CPB2: variants seen among roughly 807,000 people sequenced by gnomAD.
CPB2 encodes carboxypeptidase B-like protein.
CPB2 carries 54 observed loss-of-function variants against 57.0 expected under a neutral mutation model. That is an observed-to-expected ratio of 0.95 (90% confidence interval 0.76 to 1.19). The LOEUF is 1.19. Ranked by LOEUF, CPB2 falls within the 50% of genes most tolerant of loss-of-function variation. The probability of loss-of-function intolerance (pLI) is 0.00; values close to 1 mark genes in which losing one functional copy is unlikely to be tolerated. For missense variants in CPB2, 426 were observed against 512.0 expected (o/e 0.83, Z 1.62); for synonymous variants, 189 against 178.1 (o/e 1.06, Z -0.49).
chr13:46,054,206 T>C (rs192391221), intron 10 of CPB2, among the ~76,000 whole-genome samples: 213 of 152,366 alleles, frequency 1.4e-3, no homozygotes, highest in African/African-American at 5.0e-3. Context: ...TGTTTTTTGA[T>C]TATCAGTGAG....
intron 1 of CPB2, among the ~76,000 whole-genome samples, chr13:46,090,099 A>G (rs1234759011): frequency 1.3e-5 from 2 of 151,972 alleles, no homozygotes; most frequent in Admixed American, 1.3e-4. Context: ...TGGTAGCTTC[A>G]TATTACATCC....
intron 5 of CPB2, among the ~76,000 whole-genome samples, chr13:46,076,046 C>T (rs1191629386): frequency 5.3e-5 from 8 of 152,206 alleles, no homozygotes; most frequent in Admixed American, 4.6e-4. Context: ...AAGAACCCTA[C>T]TGCAAAGGAC....
rs773942626 is a variant in CPB2 at position 46,053,449 on chromosome 13, C to G, written c.*165G>C. On this transcript the variant is annotated 3_prime_UTR_variant, in exon 11 of 11. Coordinates refer to ENST00000181383, the MANE Select transcript of CPB2 (RefSeq NM_001872.5). The stretch of plus-strand genomic sequence containing the variant: ...TAAAAAGACATGAACCCTAGTCTGC[C>G]TTAATGGCAAAGTAGCACTTATTAG... The G allele has an allele frequency of 1.9e-6, 2 of 1,051,744 alleles. No homozygotes were observed. Among genetic ancestry groups the G allele is most frequent in the Non-Finnish European group, 2.6e-6 (2 of 764,222 alleles). The allele number at this position is 1,051,744 out of a possible 1,614,324, so 65.2% of individuals were successfully genotyped here.
rs951184490 is a variant in CPB2 at position 46,083,994 on chromosome 13, T to C, written c.275+225A>G. 5.9e-5 allele frequency among the ~76,000 whole-genome samples: 9 copies of C among 152,220 alleles called. No homozygotes were observed. The East Asian group carries it at 1.2e-3, about 20-fold the overall frequency. ...CCTTTACCAATCACTGAGTCTAACC[T>C]GCATTTTAGATAAGGGACGGAGGTC... On this transcript the variant is annotated intron_variant, in intron 3 of 10. Transcript: ENST00000181383.
chr13:46,080,500 A>G (rs1463807078), intron 4 of CPB2, among the ~76,000 whole-genome samples: 1 of 152,238 alleles, frequency 6.6e-6, no homozygotes, highest in African/African-American at 2.4e-5. Flanking sequence ...CATATGTTCA[A>G]TCCCTAACTC....
intron 9 of CPB2, among the ~76,000 whole-genome samples, chr13:46,056,442 T>C (rs139485763): frequency 1.3e-5 from 2 of 152,330 alleles, no homozygotes; most frequent in African/African-American, 4.8e-5. Flanking sequence ...GTCAAATCTA[T>C]TCTGAAGTTC....
intron 5 of CPB2, among the ~76,000 whole-genome samples, chr13:46,075,817 A>T (rs541018720): frequency 1.9e-4 from 29 of 151,668 alleles, no homozygotes; most frequent in South Asian, 4.2e-4. Context: ...TTTAAAAAAA[A>T]TTTTTTTTAA....
At position 46,099,361 on chromosome 13, in the gene CPB2, A is replaced by G. The variant is rs2045405917; in HGVS notation, c.74+5575T>C. The G allele has an allele frequency of 2.6e-5, 4 of 152,198 alleles. No homozygotes were observed. The South Asian group carries it at 8.3e-4, about 32-fold the overall frequency. 9.4% of individuals were successfully genotyped at this position (152,198 alleles called of 1,614,324 possible). ...GGGGTCAAGATTGTGGCCCTTACTT[A>G]AAAGTTGGTTGGGCATGATTTTGGG... On this transcript the variant is annotated intron_variant, in intron 1 of 10. Coordinates refer to ENST00000181383, the MANE Select transcript of CPB2 (RefSeq NM_001872.5).
At chr13:46,065,455 T>A (rs373785001) in intron 7 of CPB2, among the ~76,000 whole-genome samples, 1 of 151,760 alleles carries the variant, frequency 6.6e-6, no homozygotes, top group African/African-American at 2.4e-5. Flanking sequence ...TGAAACCCCA[T>A]CTCTACTAAA....
chr13:46,093,380 A>G (rs1289535265), intron 1 of CPB2, among the ~76,000 whole-genome samples: 3 of 152,280 alleles, frequency 2.0e-5, no homozygotes, highest in Non-Finnish European at 2.9e-5. Context: ...AGCATAAACT[A>G]TTAAACCACT....
chr13:46,079,526 A>G (rs1466886708), intron 4 of CPB2, among the ~76,000 whole-genome samples: 1 of 124,226 alleles, frequency 8.0e-6, no homozygotes, highest in African/African-American at 3.2e-5. Context: ...TAATAGGGGA[A>G]GGAAAAAGCA....
Position 46,064,737 on chromosome 13 carries a change from C to T in CPB2, c.707G>A (p.Arg236Gln), listed in dbSNP as rs1421470073. The change falls in exon 8 of 11, where the codon CGA (arginine) becomes CAA (glutamine). Residue 236 changes from arginine (R) to glutamine (Q), a missense_variant. Physicochemically the swap from Arg to Gln is conservative, Grantham distance 43. Coordinates refer to ENST00000181383, the MANE Select transcript of CPB2 (RefSeq NM_001872.5). ...GAAAGAACGGTTCTTTCTCCACATT[C>T]GATTCTACATAAACAAAATACAAAC... ...DGYDYSWKKN[R>Q]MWRKNRSFYA... 6.8e-6 allele frequency: 11 copies of T among 1,613,498 alleles called. No homozygotes were observed. The highest frequency in any genetic ancestry group is 1.3e-5 in the African/African-American group (1 of 74,916).
intron 7 of CPB2, among the ~76,000 whole-genome samples, chr13:46,065,944 T>C (rs2044848106): frequency 1.3e-5 from 2 of 152,234 alleles, no homozygotes; most frequent in Non-Finnish European, 2.9e-5. Context: ...TGACCATTCA[T>C]TGGACACCAA....
chr13:46,058,263 T>C lies in CPB2; in HGVS notation c.915A>G (p.Ala305=), dbSNP rs765011207. The change falls in exon 9 of 11, where the codon GCA becomes GCG. Residue 305 remains alanine, a synonymous_variant. Coordinates refer to ENST00000181383, the MANE Select transcript of CPB2 (RefSeq NM_001872.5). The stretch of plus-strand genomic sequence containing the variant: ...GGGAGTATGAATGCATGCTGATGTA[T>C]GCTTTAATCTGGTTGATATTTCTTC... ...FLRRNINQIK[A]YISMHSYSQH... is the part of the protein sequence containing the mutation. 2.5e-6 allele frequency: 4 copies of C among 1,614,092 alleles called. No individual in the cohort carries two copies. The South Asian group carries it at 4.4e-5, about 18-fold the overall frequency.
intron 4 of CPB2, among the ~76,000 whole-genome samples, chr13:46,079,406 G>A (rs1438955256): frequency 6.6e-6 from 1 of 151,984 alleles, no homozygotes; most frequent in Non-Finnish European, 1.5e-5. Flanking sequence ...GCAAAGGTGG[G>A]GACCATCTGG....
intron 4 of CPB2, among the ~76,000 whole-genome samples, chr13:46,079,446 C>T (rs188888552): frequency 6.6e-6 from 1 of 150,724 alleles, no homozygotes; most frequent in Non-Finnish European, 1.5e-5. Context: ...AATTATCCCC[C>T]CAAGAAGTAG....
chr13:46,088,455 G>T (rs9567620), intron 1 of CPB2, among the ~76,000 whole-genome samples: 2 of 151,988 alleles, frequency 1.3e-5, no homozygotes, highest in African/African-American at 2.4e-5. Context: ...GTTCGGTATT[G>T]TATTCTCAAG....
At chr13:46,067,061 A>C (rs1223323033) in intron 7 of CPB2, among the ~76,000 whole-genome samples, 1 of 152,074 alleles carries the variant, frequency 6.6e-6, no homozygotes, top group African/African-American at 2.4e-5. Flanking sequence ...AAGTGGGTAG[A>C]GAGAATACAG....
At chr13:46,062,746 T>G (rs546833814) in intron 8 of CPB2, among the ~76,000 whole-genome samples, 26 of 152,296 alleles carry the variant, frequency 1.7e-4, no homozygotes, top group South Asian at 6.2e-4. Flanking sequence ...TCTGTCTGCA[T>G]GGAGTTTCTA....
Sources: allele counts gnomAD v4.1 joint callset (sites outside exome capture counted in the v4.1 genomes callset), GRCh38; gene constraint gnomAD v4.1.1; transcripts MANE v1.5; gene names NCBI Gene and HGNC (gene_info 2026-07-23, HGNC 2026-07-21).